The following PTPRZ1 variants were observed in gnomAD, a reference collection of about 807,000 sequenced individuals.
PTPRZ1 encodes receptor-type tyrosine-protein phosphatase zeta.
PTPRZ1 carries 82 observed loss-of-function variants against 214.1 expected under a neutral mutation model. The ratio of observed to expected loss-of-function variants is 0.38; its 90% CI spans 0.32 to 0.46. PTPRZ1 has a LOEUF of 0.46. Ranked by LOEUF, PTPRZ1 falls within the 20% of genes least tolerant of loss-of-function variation. PTPRZ1 has a pLI of 1.00. For synonymous variants in PTPRZ1, 945 were observed against 987.9 expected (o/e 0.96, Z 0.81); for missense variants, 2,603 against 2,748.7 (o/e 0.95, Z 1.19).
chr7:121,940,602 G>A (rs1458814265), intron 2 of PTPRZ1, among the ~76,000 whole-genome samples: 1 of 152,136 alleles, frequency 6.6e-6, no homozygotes, highest in African/African-American at 2.4e-5. Context: ...AAGCTCAGCA[G>A]GTGCTGCAAT....
intron 8 of PTPRZ1, among the ~76,000 whole-genome samples, chr7:121,987,340 C>T (rs1797788657): frequency 6.6e-6 from 1 of 152,150 alleles, no homozygotes; most frequent in African/African-American, 2.4e-5. Flanking sequence ...TTCAAACTTG[C>T]CTGCCCGTGC....
chr7:121,958,488 C>A (rs1001188565), intron 2 of PTPRZ1, among the ~76,000 whole-genome samples: 1 of 152,184 alleles, frequency 6.6e-6, no homozygotes, highest in South Asian at 2.1e-4. Context: ...TATCACTGAT[C>A]CTCTTCTTGC....
At position 122,010,843 on chromosome 7, in the gene PTPRZ1, C is replaced by T; in HGVS notation, c.1797C>T (p.Ile599=). The change falls in exon 12 of 30, where the codon ATC becomes ATT. Residue 599 remains isoleucine (I), a synonymous_variant. Transcript: ENST00000393386. ...SSPATSAIPF[I]SENISQGYIF... ...CCGCAACTTCTGCTATCCCATTCAT[C>T]TCTGAGAACATATCCCAAGGGTATA... The T allele has an allele frequency of 1.9e-6, 3 of 1,614,134 alleles. No individual in the cohort carries two copies. The highest frequency in any genetic ancestry group is 2.5e-6 in the Non-Finnish European group (3 of 1,180,004).
At chr7:122,028,758 A>C in intron 14 of PTPRZ1, 115 bp downstream of exon 14, 1 of 727,846 alleles carries the variant, frequency 1.4e-6, no homozygotes, top group East Asian at 2.8e-5. Context: ...TAGATTAGTA[A>C]ATTTTTGTGT....
intron 1 of PTPRZ1, among the ~76,000 whole-genome samples, chr7:121,891,807 A>G (rs1413940424): frequency 1.3e-5 from 2 of 151,942 alleles, no homozygotes; most frequent in Non-Finnish European, 2.9e-5. Context: ...TAATTATTCT[A>G]GACATTAACT....
rs3069214 is a variant in PTPRZ1 at position 122,017,538 on chromosome 7, CATTTATTTATTT to C, written c.4844-1557_4844-1546del. Reference sequence around the variant, plus strand: ...CCATTTATATTCCTGTGATACATTACATTTATTTATTTATTTATTTATTTATTTATTTATTTA... The same window carrying C: ...CCATTTATATTCCTGTGATACATTACATTTATTTATTTATTTATTTATTTA... On this transcript the variant is annotated intron_variant, in intron 12 of 29. Transcript: ENST00000393386. Among the ~76,000 whole-genome samples the C allele has an allele frequency of 5.6e-3, 789 of 140,152 alleles. 8 individuals are homozygous for C. Among genetic ancestry groups the C allele is most frequent in the African/African-American group, 0.019 (690 of 37,164 alleles). 91.9% of individuals were successfully genotyped at this position (140,152 alleles called of 152,430 possible).
At chr7:121,962,918 G>A (rs531025443) in intron 2 of PTPRZ1, among the ~76,000 whole-genome samples, 8 of 152,008 alleles carry the variant, frequency 5.3e-5, no homozygotes, top group Admixed American at 2.0e-4. Flanking sequence ...TTCTACTCGT[G>A]GTGATTTGAA....
Position 122,039,640 on chromosome 7 carries a change from T to G in PTPRZ1, c.5637+52T>G, listed in dbSNP as rs761382808. On this transcript the variant is annotated intron_variant, in intron 20 of 29. Coordinates refer to ENST00000393386, the MANE Select transcript of PTPRZ1 (RefSeq NM_002851.3). ...TCAAGTGAACAATGCATTTGGTCAT[T>G]TTTTAAGTGAATAAGCGATAGAACC... The G allele has an allele frequency of 9.4e-6, 15 of 1,589,344 alleles. No homozygotes were observed. In the East Asian group the frequency reaches 3.4e-4, roughly 36 times the overall value.
chr7:121,992,714 T>G (rs1188445655), intron 8 of PTPRZ1, among the ~76,000 whole-genome samples: 1 of 147,828 alleles, frequency 6.8e-6, no homozygotes, highest in Non-Finnish European at 1.5e-5. Context: ...ATCACAGGAA[T>G]GAGCATCCTA....
chr7:122,047,546 T>A (rs1792036623), intron 23 of PTPRZ1, among the ~76,000 whole-genome samples: 1 of 152,106 alleles, frequency 6.6e-6, no homozygotes, highest in African/African-American at 2.4e-5. Flanking sequence ...ATATAGGCTC[T>A]AAGGCTGGAG....
rs1478076339 is a variant in PTPRZ1, at chr7:122,013,342, A to G, written c.4296A>G (p.Arg1432=). 2 of 1,610,458 alleles carry G rather than the reference A, an allele frequency of 1.2e-6. No individual in the cohort carries two copies. The highest frequency in any genetic ancestry group is 1.7e-5 in the Admixed American group (1 of 59,566). The part of the protein sequence containing the change: ...DDDGDDDDDD[R]GSDGLSIHKC... Reference sequence around the variant, plus strand: ...ATGGTGATGATGATGATGATGACAGAGGTAGTGATGGCTTATCCATTCATA... The same window carrying G: ...ATGGTGATGATGATGATGATGACAGGGGTAGTGATGGCTTATCCATTCATA... The change falls in exon 12 of 30, where the codon AGA becomes AGG. Residue 1432 remains arginine, a synonymous_variant. Coordinates refer to ENST00000393386, the MANE Select transcript of PTPRZ1 (RefSeq NM_002851.3).
intron 23 of PTPRZ1, among the ~76,000 whole-genome samples, chr7:122,050,555 G>T (rs988404449): frequency 6.6e-6 from 1 of 151,510 alleles, no homozygotes; most frequent in African/African-American, 2.4e-5. Context: ...TACGTAAAAT[G>T]ATAATTTGCA....
chr7:121,957,694 A>G (rs1392624782), intron 2 of PTPRZ1, among the ~76,000 whole-genome samples: 7 of 152,098 alleles, frequency 4.6e-5, no homozygotes, highest in Non-Finnish European at 1.0e-4. Flanking sequence ...AGATGTGGAG[A>G]TTATTCTTTC....
intron 1 of PTPRZ1, among the ~76,000 whole-genome samples, chr7:121,890,471 T>A (rs1794556562): frequency 6.6e-6 from 1 of 152,146 alleles, no homozygotes; most frequent in Non-Finnish European, 1.5e-5. Context: ...CTTGGGTTAT[T>A]TCACTGGCTT....
chr7:121,988,420 G>A (rs1213878761), intron 8 of PTPRZ1, among the ~76,000 whole-genome samples: 1 of 152,134 alleles, frequency 6.6e-6, no homozygotes, highest in Non-Finnish European at 1.5e-5. Flanking sequence ...ATATTCAGTC[G>A]ATTCTTTTTT....
At chr7:121,879,852 C>T (rs1794182397) in intron 1 of PTPRZ1, among the ~76,000 whole-genome samples, 1 of 150,784 alleles carries the variant, frequency 6.6e-6, no homozygotes, top group Non-Finnish European at 1.5e-5. Context: ...TCCTTTTATC[C>T]TTCATTCCTT....
At chr7:121,880,745 AT>A (rs1311219408) in intron 1 of PTPRZ1, among the ~76,000 whole-genome samples, 3 of 152,158 alleles carry the variant, frequency 2.0e-5, no homozygotes, top group Non-Finnish European at 4.4e-5. Flanking sequence ...TTGTCATCAG[AT>A]TGAAAATTAT....
chr7:121,956,262 A>G (rs566153271), intron 2 of PTPRZ1, among the ~76,000 whole-genome samples: 2 of 152,306 alleles, frequency 1.3e-5, no homozygotes, highest in South Asian at 4.1e-4. Context: ...TATTTTTTCT[A>G]AGCCAAACTG....
intron 8 of PTPRZ1, among the ~76,000 whole-genome samples, chr7:121,995,371 TTCTC>T (rs1489105704): frequency 1.3e-5 from 2 of 152,312 alleles, no homozygotes; most frequent in Admixed American, 6.5e-5. Flanking sequence ...TGAGAGATCT[TTCTC>T]TCCCTCTGCT....
Sources: allele counts gnomAD v4.1 joint callset (sites outside exome capture counted in the v4.1 genomes callset), GRCh38; gene constraint gnomAD v4.1.1; transcripts MANE v1.5; gene names NCBI Gene and HGNC (gene_info 2026-07-23, HGNC 2026-07-21).